The following TLE3 variants were observed in gnomAD, a reference collection of about 807,000 sequenced individuals.
TLE3 encodes the protein transducin-like enhancer protein 3.
TLE3 carries 14 observed loss-of-function variants against 93.0 expected under a neutral mutation model. The ratio of observed to expected loss-of-function variants is 0.15; its 90% confidence interval spans 0.10 to 0.24. TLE3 has a LOEUF of 0.24. TLE3 is among the 10% of genes least tolerant of loss of function. The probability of loss-of-function intolerance (pLI) is 1.00; values close to 1 mark genes in which losing one functional copy is unlikely to be tolerated. For missense variants in TLE3, 693 were observed against 1,046.6 expected (o/e 0.66, Z 4.66); for synonymous variants, 451 against 425.0 (o/e 1.06, Z -0.75).
At chr15:70,081,092 G>A (rs975789909) in intron 4 of TLE3, among the ~76,000 whole-genome samples, 10 of 152,140 alleles carry the variant, frequency 6.6e-5, no homozygotes, top group Admixed American at 6.5e-5. Context: ...ATGCTCCAAC[G>A]CCACGCAGAG....
chr15:70,069,102 G>A (rs1218355164), intron 6 of TLE3, among the ~76,000 whole-genome samples: 3 of 152,236 alleles, frequency 2.0e-5, no homozygotes, highest in Non-Finnish European at 4.4e-5. Flanking sequence ...CAACCTGTGA[G>A]TTCCAGAAAC....
At chr15:70,074,803 T>A (rs911465827) in intron 5 of TLE3, among the ~76,000 whole-genome samples, 196 bp from the exon 6 acceptor site, 8 of 152,242 alleles carry the variant, frequency 5.3e-5, no homozygotes, top group African/African-American at 1.9e-4. Flanking sequence ...TCAATGAGCA[T>A]GTATTAGTTT....
Position 70,052,607 on chromosome 15 carries a change from G to A in TLE3, c.1975-83C>T. ...GGGCGGCTCCCAAAGGTGCTGCTCA[G>A]GTCCTCTGAGGCTCAGGGTCCCTCC... On this transcript the variant is annotated intron_variant, in intron 17 of 19. Transcript: ENST00000451782. The A allele has an allele frequency of 2.7e-6, 4 of 1,469,438 alleles. No individual in the cohort carries two copies. In the South Asian group the frequency reaches 5.3e-5, roughly 20 times the overall value. The allele number at this position is 1,469,438 out of a possible 1,614,324, so 91.0% of individuals were successfully genotyped here.
At chr15:70,090,467 G>A (rs2058255694) in intron 4 of TLE3, among the ~76,000 whole-genome samples, 1 of 152,114 alleles carries the variant, frequency 6.6e-6, no homozygotes, top group African/African-American at 2.4e-5. Context: ...TCAACTCCTT[G>A]GCAGAGTCCT....
intron 4 of TLE3, chr15:70,079,611 G>T (rs529855071): frequency 5.8e-6 from 2 of 345,988 alleles, no homozygotes; most frequent in African/African-American, 4.7e-5. Context: ...AGAATGGGCT[G>T]CGTGCACTCT....
intron 4 of TLE3, among the ~76,000 whole-genome samples, chr15:70,091,294 C>T (rs1350023364): frequency 6.6e-6 from 1 of 152,250 alleles, no homozygotes; most frequent in African/African-American, 2.4e-5. Flanking sequence ...TGCTCACCAA[C>T]AGTGGGTGAA....
At chr15:70,095,544 C>T (rs976805649) in intron 3 of TLE3, 34 bp downstream of exon 3, 2 of 1,547,958 alleles carry the variant, frequency 1.3e-6, no homozygotes, top group African/African-American at 1.4e-5. Flanking sequence ...GGTCGGCGCC[C>T]CAACCGCCCC....
intron 5 of TLE3, 133 bp from the exon 6 acceptor site, chr15:70,074,740 C>T (rs564842196): frequency 1.7e-6 from 1 of 592,362 alleles, no homozygotes; most frequent in Non-Finnish European, 2.8e-6. Flanking sequence ...AGGCACAGGG[C>T]ACAAGTAGGG....
chr15:70,068,936 T>C (rs2056978829), intron 6 of TLE3, among the ~76,000 whole-genome samples: 1 of 152,232 alleles, frequency 6.6e-6, no homozygotes, highest in South Asian at 2.1e-4. Context: ...CTCTATCCTT[T>C]ATCAGCTATG....
chr15:70,048,595 C>A lies in TLE3; in HGVS notation c.*1502G>T, dbSNP rs1477060366. On this transcript the variant is annotated 3_prime_UTR_variant, in exon 20 of 20. Coordinates refer to ENST00000451782, the MANE Select transcript of TLE3 (RefSeq NM_001105192.3). Reference sequence around the variant, plus strand: ...ATCCATGGAGAGCCTGCCACCAGGACTCACAGCGGCCTTTAGCTTTTCTTT... The same window carrying A: ...ATCCATGGAGAGCCTGCCACCAGGAATCACAGCGGCCTTTAGCTTTTCTTT... 6.6e-6 allele frequency: 1 copy of A among 151,424 alleles called. No homozygotes were observed. Among genetic ancestry groups the A allele is most frequent in the Non-Finnish European group, 1.5e-5 (1 of 67,922 alleles). The allele number at this position is 151,424 out of a possible 1,614,324, so 9.4% of individuals were successfully genotyped here.
At chr15:70,093,468 G>C (rs746504334) in intron 4 of TLE3, among the ~76,000 whole-genome samples, 1 of 152,190 alleles carries the variant, frequency 6.6e-6, no homozygotes, top group Non-Finnish European at 1.5e-5. Flanking sequence ...TTAATTTAGA[G>C]CAGAAAATCC....
intron 3 of TLE3, chr15:70,094,778 G>C (rs979123145): frequency 1.8e-6 from 1 of 560,252 alleles, no homozygotes. Context: ...TCAACAGAAC[G>C]TTATATTATG....
At chr15:70,087,213 C>A (rs2141986751) in intron 4 of TLE3, among the ~76,000 whole-genome samples, 1 of 152,220 alleles carries the variant, frequency 6.6e-6, no homozygotes, top group South Asian at 2.1e-4. Flanking sequence ...TGGTCCTGTC[C>A]CTCACGGAAC....
chr15:70,051,138 CG>C (rs1566977011), intron 19 of TLE3: 1 of 364,360 alleles, frequency 2.7e-6, no homozygotes, highest in Non-Finnish European at 5.1e-6. Flanking sequence ...ACAAGCGCCC[CG>C]GCTTAGAAGC....
intron 4 of TLE3, among the ~76,000 whole-genome samples, chr15:70,082,232 G>A (rs2057813472): frequency 6.6e-6 from 1 of 152,240 alleles, no homozygotes; most frequent in African/African-American, 2.4e-5. Flanking sequence ...GACTAAAAGA[G>A]GATAGTCCTT....
In TLE3 at chr15:70,048,603, G is replaced by A. The variant is rs781126370; in HGVS notation, c.*1494C>T. 14 of 151,592 alleles carry A rather than the reference G, an allele frequency of 9.2e-5. No individual in the cohort carries two copies. Among genetic ancestry groups the A allele is most frequent in the African/African-American group, 1.9e-4 (8 of 41,206 alleles). The allele number at this position is 151,592 out of a possible 1,614,324, so 9.4% of individuals were successfully genotyped here. On this transcript the variant is annotated 3_prime_UTR_variant, in exon 20 of 20. Coordinates refer to ENST00000451782, the MANE Select transcript of TLE3 (RefSeq NM_001105192.3). Reference sequence around the variant, plus strand: ...AGAGCCTGCCACCAGGACTCACAGCGGCCTTTAGCTTTTCTTTAAAAGGAG... The same window carrying A: ...AGAGCCTGCCACCAGGACTCACAGCAGCCTTTAGCTTTTCTTTAAAAGGAG...
At chr15:70,072,532 G>A (rs550075159) in intron 6 of TLE3, among the ~76,000 whole-genome samples, 1 of 152,304 alleles carries the variant, frequency 6.6e-6, no homozygotes, top group African/African-American at 2.4e-5. Flanking sequence ...GCTGAGAGCT[G>A]GTCACTGAGA....
Position 70,054,985 on chromosome 15 carries a change from T to A in TLE3, c.1578+64A>T, listed in dbSNP as rs148183032. ...AGCCAGGCCCTGGGGCTCTCCCCTG[T>A]GGCCCAGGCTGCCCCATCCTCCTAC... On this transcript the variant is annotated intron_variant, in intron 15 of 19. Transcript: ENST00000451782. 478 of 1,521,606 alleles carry A rather than the reference T, an allele frequency of 3.1e-4. 1 individual carries two copies. In the African/African-American group the frequency reaches 6.1e-3, roughly 19 times the overall value. 94.3% of individuals were successfully genotyped at this position (1,521,606 alleles called of 1,614,324 possible). A position where few individuals can be genotyped will look rare whatever the true frequency, so the allele number is the denominator to read the frequency against.
At chr15:70,095,471 C>A (rs971999983) in intron 3 of TLE3, 107 bp downstream of exon 3, 7 of 1,544,822 alleles carry the variant, frequency 4.5e-6, no homozygotes, top group Admixed American at 2.0e-5. Context: ...GGCCGCCCTG[C>A]GGCTGGGCGG....
Sources: allele counts gnomAD v4.1 joint callset (sites outside exome capture counted in the v4.1 genomes callset), GRCh38; gene constraint gnomAD v4.1.1; transcripts MANE v1.5; gene names NCBI Gene and HGNC (gene_info 2026-07-23, HGNC 2026-07-21).